Variants in DYRK1A observed in about 807,000 individuals in gnomAD.
DYRK1A encodes dual specificity tyrosine phosphorylation regulated kinase 1A, also known as dual specificity tyrosine-phosphorylation-regulated kinase 1A.
DYRK1A carries 9 observed loss-of-function variants against 79.7 expected under a neutral mutation model. That is an observed-to-expected ratio of 0.11 (90% CI 0.07 to 0.20). The LOEUF is 0.20. DYRK1A is among the 10% of genes least tolerant of loss of function. The pLI is 1.00. For missense variants in DYRK1A, 622 were observed against 956.0 expected (o/e 0.65, Z 4.61); for synonymous variants, 349 against 329.7 (o/e 1.06, Z -0.63).
chr21:37,397,003 A>G (rs1395882102), intron 1 of DYRK1A, among the ~76,000 whole-genome samples: 4 of 152,124 alleles, frequency 2.6e-5, no homozygotes, highest in Admixed American at 6.5e-5. Flanking sequence ...GCCCTAGGGT[A>G]TAGTCCTCGT....
At chr21:37,377,868 G>A (rs1376484509) in intron 1 of DYRK1A, among the ~76,000 whole-genome samples, 2 of 152,176 alleles carry the variant, frequency 1.3e-5, no homozygotes, top group African/African-American at 4.8e-5. Context: ...AAACAATGCT[G>A]GTGCGTACTT....
chr21:37,367,731 C>T (rs867657857), intron 1 of DYRK1A, 103 bp downstream of exon 1: 1 of 146,578 alleles, frequency 6.8e-6, no homozygotes, highest in Middle Eastern at 3.7e-3. Flanking sequence ...GAGGGAGGGA[C>T]CTGCCATTTT....
At chr21:37,471,148 T>C (rs2052208777) in intron 2 of DYRK1A, among the ~76,000 whole-genome samples, 1 of 152,162 alleles carries the variant, frequency 6.6e-6, no homozygotes, top group Non-Finnish European at 1.5e-5. Flanking sequence ...GAATTGAAAA[T>C]AGAATAAAGA....
Position 37,525,362 on chromosome 21 carries a change from G to C in DYRK1A, c.*12831G>C, listed in dbSNP as rs1196139106. On this transcript the variant is annotated 3_prime_UTR_variant, in exon 12 of 12. Coordinates refer to ENST00000647188, the MANE Select transcript of DYRK1A (RefSeq NM_001347721.2). ...CTTAGGTGGCGGCAAGCAAGAGAGT[G>C]TGTGCAGGGGAACTGCCCTTTATAA... 6.6e-6 allele frequency: 1 copy of C among 152,254 alleles called. No homozygotes were observed. The highest frequency in any genetic ancestry group is 1.5e-5 in the Non-Finnish European group (1 of 68,068). The allele number at this position is 152,254 out of a possible 1,614,324, so 9.4% of individuals were successfully genotyped here. A position where few individuals can be genotyped will look rare whatever the true frequency, so the allele number is the denominator to read the frequency against.
intron 5 of DYRK1A, among the ~76,000 whole-genome samples, chr21:37,484,850 TC>T (rs1174907651): frequency 2.0e-5 from 3 of 152,154 alleles, no homozygotes; most frequent in Non-Finnish European, 2.9e-5. Flanking sequence ...AACTCCTTTT[TC>T]CCAGGGCAGA....
chr21:37,495,550 T>C (rs2053242857), intron 8 of DYRK1A, among the ~76,000 whole-genome samples: 1 of 152,128 alleles, frequency 6.6e-6, no homozygotes, highest in Non-Finnish European at 1.5e-5. Context: ...GAGAATTGCC[T>C]GAACCTGGGA....
chr21:37,471,238 G>T (rs1200099403), intron 2 of DYRK1A, among the ~76,000 whole-genome samples: 1 of 152,222 alleles, frequency 6.6e-6, no homozygotes, highest in Admixed American at 6.5e-5. Context: ...TGAGTATTCT[G>T]TTAGGAGAGG....
At chr21:37,426,355 T>TAAGGAGCCG (rs1355337133) in intron 2 of DYRK1A, among the ~76,000 whole-genome samples, 1 of 152,046 alleles carries the variant, frequency 6.6e-6, no homozygotes, top group Non-Finnish European at 1.5e-5. Context: ...GAGAAAAGCA[T>TAAGGAGCCG]AAGGAGCCGA....
At chr21:37,380,836 C>G (rs1411149689) in intron 1 of DYRK1A, among the ~76,000 whole-genome samples, 1 of 152,182 alleles carries the variant, frequency 6.6e-6, no homozygotes, top group African/African-American at 2.4e-5. Flanking sequence ...CTGGCTCCAG[C>G]TGGCTCACTG....
At chr21:37,477,535 C>T (rs2052444604) in intron 3 of DYRK1A, among the ~76,000 whole-genome samples, 1 of 152,150 alleles carries the variant, frequency 6.6e-6, no homozygotes. Context: ...TAGCAGGATG[C>T]TCACGGTGGA....
intron 9 of DYRK1A, among the ~76,000 whole-genome samples, chr21:37,497,203 G>A (rs976119355): frequency 2.6e-5 from 4 of 152,106 alleles, no homozygotes; most frequent in African/African-American, 9.7e-5. Context: ...ATGGTTGATC[G>A]CCTTAATTCA....
Position 37,519,516 on chromosome 21 carries a change from TCCA to T in DYRK1A, c.*6987_*6989del, listed in dbSNP as rs2053914124. 1 of 151,838 alleles carries T rather than the reference TCCA, an allele frequency of 6.6e-6. No individual in the cohort carries two copies. The highest frequency in any genetic ancestry group is 1.5e-5 in the Non-Finnish European group (1 of 67,984). 9.4% of individuals were successfully genotyped at this position (151,838 alleles called of 1,614,324 possible). A position where few individuals can be genotyped will look rare whatever the true frequency, so the allele number is the denominator to read the frequency against. On this transcript the variant is annotated 3_prime_UTR_variant, in exon 12 of 12. Coordinates refer to ENST00000647188, the MANE Select transcript of DYRK1A (RefSeq NM_001347721.2). ...TATAATATGCGGCTAAACAGCGGAG[TCCA>T]CAGCCTGAATGGAACTTCTTTTTCT...
chr21:37,518,677 G>A lies in DYRK1A; in HGVS notation c.*6146G>A, dbSNP rs2053905333. 6.7e-6 allele frequency: 1 copy of A among 149,964 alleles called. No homozygotes were observed. Among genetic ancestry groups the A allele is most frequent in the East Asian group, 2.0e-4 (1 of 5,110 alleles). 9.3% of individuals were successfully genotyped at this position (149,964 alleles called of 1,614,324 possible). Reference sequence around the variant, plus strand: ...GTCTCCCAGGTTGGTGTGCAGGGGTGTGATCTCGGCTCACTGCAACCTCCA... The same window carrying A: ...GTCTCCCAGGTTGGTGTGCAGGGGTATGATCTCGGCTCACTGCAACCTCCA... On this transcript the variant is annotated 3_prime_UTR_variant, in exon 12 of 12. Transcript: ENST00000647188.
At chr21:37,385,610 A>G (rs1248976431) in intron 1 of DYRK1A, among the ~76,000 whole-genome samples, 1 of 152,084 alleles carries the variant, frequency 6.6e-6, no homozygotes, top group Non-Finnish European at 1.5e-5. Context: ...TACTGCCCAC[A>G]CTCGGGGAAT....
intron 1 of DYRK1A, among the ~76,000 whole-genome samples, chr21:37,412,557 A>G (rs371995535): frequency 2.6e-5 from 4 of 152,328 alleles, no homozygotes; most frequent in Non-Finnish European, 5.9e-5. Context: ...CATAACCATC[A>G]GGCCTAGGAG....
intron 1 of DYRK1A, among the ~76,000 whole-genome samples, chr21:37,375,540 T>C (rs1257422231): frequency 7.2e-6 from 1 of 139,358 alleles, no homozygotes; most frequent in East Asian, 2.0e-4. Flanking sequence ...TTTTTTTTTT[T>C]TTGAGATGGA....
rs1335149147 is a variant in DYRK1A at position 37,517,501 on chromosome 21, CT to C, written c.*4971del. On this transcript the variant is annotated 3_prime_UTR_variant, in exon 12 of 12. Transcript: ENST00000647188. ...TGTAAAGTTTTGCTTCCATTATATA[CT>C]CATTCATTAGTCAGTGTACTTGCCC... 1 of 152,102 alleles carries C rather than the reference CT, an allele frequency of 6.6e-6. No homozygotes were observed. The highest frequency in any genetic ancestry group is 1.5e-5 in the Non-Finnish European group (1 of 68,044). The allele number at this position is 152,102 out of a possible 1,614,324, so 9.4% of individuals were successfully genotyped here. A position where few individuals can be genotyped will look rare whatever the true frequency, so the allele number is the denominator to read the frequency against.
chr21:37,389,242 A>C (rs2049824177), intron 1 of DYRK1A, among the ~76,000 whole-genome samples: 1 of 151,720 alleles, frequency 6.6e-6, no homozygotes, highest in Non-Finnish European at 1.5e-5. Context: ...TACATACTGC[A>C]GTCTTGACCT....
At chr21:37,379,477 G>T (rs571048207) in intron 1 of DYRK1A, among the ~76,000 whole-genome samples, 2 of 152,318 alleles carry the variant, frequency 1.3e-5, no homozygotes, top group South Asian at 4.1e-4. Context: ...CAGTGATTAG[G>T]TTTTAGTGGG....
Sources: allele counts gnomAD v4.1 joint callset (sites outside exome capture counted in the v4.1 genomes callset), GRCh38; gene constraint gnomAD v4.1.1; transcripts MANE v1.5; gene names NCBI Gene and HGNC (gene_info 2026-07-23, HGNC 2026-07-21).